CMC2: variants seen among roughly 807,000 people sequenced by gnomAD.
CMC2 encodes COX assembly mitochondrial protein 2 homolog.
CMC2 carries 5 observed loss-of-function variants against 7.5 expected under a neutral mutation model. The ratio of observed to expected loss-of-function variants is 0.66; its 90% CI spans 0.35 to 1.40. The LOEUF (loss-of-function observed/expected upper bound fraction) is 1.40. Among genes scored for constraint, CMC2 ranks in the 40% most tolerant of loss-of-function variants. The pLI is 0.04. For missense variants in CMC2, 115 were observed against 92.3 expected (o/e 1.25, Z -1.01); for synonymous variants, 37 against 31.4 (o/e 1.18, Z -0.60).
At chr16:80,982,117 T>A (rs1410916984) in intron 2 of CMC2, among the ~76,000 whole-genome samples, 1 of 152,078 alleles carries the variant, frequency 6.6e-6, no homozygotes, top group East Asian at 1.9e-4. Context: ...TTTTGAACAT[T>A]TGGAACAATT....
intron 2 of CMC2, chr16:80,982,363 G>C (rs1967186534): frequency 1.3e-5 from 2 of 152,130 alleles, no homozygotes; most frequent in African/African-American, 4.8e-5. Flanking sequence ...CAAAAAATTA[G>C]CCAGGCGTGG....
chr16:80,976,128 T>C lies in CMC2; in HGVS notation c.205A>G (p.Lys69Glu), dbSNP rs1912299553. ...GATTCCTCTGGAGGATTAAAAAGTT[T>C]CTTTCGCATTGCAATGCCATGCTCC... ...SREHGIAMRK[K>E]LFNPPEESEK Residue 69 changes from lysine to glutamate, a missense_variant, in exon 4 of 4, where the codon AAA (lysine) becomes GAA (glutamate). Transcript: ENST00000219400. 1.2e-6 allele frequency: 2 copies of C among 1,610,382 alleles called. No individual in the cohort carries two copies. Among genetic ancestry groups the C allele is most frequent in the Admixed American group, 1.7e-5 (1 of 59,946 alleles).
intron 2 of CMC2, among the ~76,000 whole-genome samples, chr16:80,984,343 C>T (rs1351083681): frequency 6.6e-6 from 1 of 152,170 alleles, no homozygotes; most frequent in Non-Finnish European, 1.5e-5. Flanking sequence ...TTTTCCTTTT[C>T]GTTCTAATTA....
At chr16:80,986,367 T>A (rs1567515696) in intron 2 of CMC2, among the ~76,000 whole-genome samples, 1 of 148,040 alleles carries the variant, frequency 6.8e-6, no homozygotes. Flanking sequence ...ACTAAATAAA[T>A]AAATAAAATG....
At chr16:80,986,028 T>C (rs143630968) in intron 2 of CMC2, among the ~76,000 whole-genome samples, 130 of 151,824 alleles carry the variant, frequency 8.6e-4, no homozygotes, top group Middle Eastern at 3.4e-3. Flanking sequence ...TTATAACGCA[T>C]TGTATAGGCA....
chr16:80,982,184 G>T, intron 2 of CMC2: 1 of 213,668 alleles, frequency 4.7e-6, no homozygotes, highest in Non-Finnish European at 9.2e-6. Flanking sequence ...AAATTTAAGA[G>T]AAAGATACGG....
rs55852672 is a variant in CMC2 at position 80,975,450 on chromosome 16, C to G, written c.*643G>C. 6.6e-6 allele frequency: 1 copy of G among 152,240 alleles called. No homozygotes were observed. Among genetic ancestry groups the G allele is most frequent in the South Asian group, 2.1e-4 (1 of 4,826 alleles). 9.4% of individuals were successfully genotyped at this position (152,240 alleles called of 1,614,324 possible). The stretch of plus-strand genomic sequence containing the variant: ...CCAACATGGCAAAACTCTGTCTCTA[C>G]CAAAAATACAAAAACCAGCCAGGCA... On this transcript the variant is annotated 3_prime_UTR_variant, in exon 4 of 4. Transcript: ENST00000219400.
At chr16:80,992,212 C>A (rs898300862) in intron 2 of CMC2, among the ~76,000 whole-genome samples, 2 of 152,186 alleles carry the variant, frequency 1.3e-5, no homozygotes, top group African/African-American at 2.4e-5. Context: ...TACAAAACAG[C>A]TGTATAGTGC....
chr16:80,976,293 G>C (rs1454432667), intron 3 of CMC2, 114 bp from the exon 4 acceptor site: 2 of 597,954 alleles, frequency 3.3e-6, no homozygotes, highest in Non-Finnish European at 5.8e-6. Flanking sequence ...GGTTAACAGG[G>C]TTTAAATTTT....
intron 3 of CMC2, among the ~76,000 whole-genome samples, chr16:80,976,612 T>C (rs1912390871): frequency 6.6e-6 from 1 of 152,196 alleles, no homozygotes; most frequent in Non-Finnish European, 1.5e-5. Context: ...TGTCTAACTG[T>C]TGGGACAATT....
At chr16:81,003,916 C>G (rs551208516) in intron 1 of CMC2, among the ~76,000 whole-genome samples, 155 of 152,290 alleles carry the variant, frequency 1.0e-3, no homozygotes, top group Non-Finnish European at 1.5e-3. Flanking sequence ...TCAGTGATGG[C>G]ATGGGTTTAA....
Position 80,967,718 on chromosome 16 carries a change from T to A in CMC2, c.*8375A>T, listed in dbSNP as rs1043865155. The A allele has an allele frequency of 6.6e-6, 1 of 152,230 alleles. No homozygotes were observed. Among genetic ancestry groups the A allele is most frequent in the Non-Finnish European group, 1.5e-5 (1 of 68,034 alleles). The allele number at this position is 152,230 out of a possible 1,614,324, so 9.4% of individuals were successfully genotyped here. The stretch of plus-strand genomic sequence containing the variant: ...ATCATAGCATTTTAGGAAATATGGA[T>A]GCTCTGTAAGCAAATACTCCAGTGA... On this transcript the variant is annotated 3_prime_UTR_variant, in exon 4 of 4. Coordinates refer to ENST00000219400, the MANE Select transcript of CMC2 (RefSeq NM_020188.5).
intron 3 of CMC2, 93 bp downstream of exon 3, chr16:80,981,713 G>T (rs2151620605): frequency 1.3e-6 from 1 of 761,362 alleles, no homozygotes; most frequent in Non-Finnish European, 2.1e-6. Flanking sequence ...ACACTAAAAT[G>T]TGGGAAAAAT....
chr16:80,985,932 G>A (rs28659930), intron 2 of CMC2, among the ~76,000 whole-genome samples: 2 of 138,066 alleles, frequency 1.4e-5, no homozygotes, highest in South Asian at 2.5e-4. Context: ...CAGGAATGAA[G>A]GGGAAGGAGC....
chr16:80,992,834 G>C (rs1439882372), intron 2 of CMC2, among the ~76,000 whole-genome samples: 1 of 151,772 alleles, frequency 6.6e-6, no homozygotes, highest in Non-Finnish European at 1.5e-5. Flanking sequence ...TAGGACTACA[G>C]GCATGTGCCA....
At position 80,986,702 on chromosome 16, in the gene CMC2, G is replaced by A. The variant is rs142526627; in HGVS notation, c.82-4825C>T. Reference sequence around the variant, plus strand: ...CCCTGGTAAGGACTCACAGGAAGAGGTGAGGCAGATGGAGGAATTAAAGAT... The same window carrying A: ...CCCTGGTAAGGACTCACAGGAAGAGATGAGGCAGATGGAGGAATTAAAGAT... On this transcript the variant is annotated intron_variant, in intron 2 of 3. Transcript: ENST00000219400. Among the ~76,000 whole-genome samples, 242 of 152,380 alleles carry A rather than the reference G, an allele frequency of 1.6e-3. 1 individual carries two copies. The highest frequency in any genetic ancestry group is 2.8e-3 in the Non-Finnish European group (191 of 68,034).
rs1353644529 is a variant in CMC2 at position 80,968,717 on chromosome 16, T to C, written c.*7376A>G. 2 of 152,134 alleles carry C rather than the reference T, an allele frequency of 1.3e-5. No individual in the cohort carries two copies. The highest frequency in any genetic ancestry group is 2.9e-5 in the Non-Finnish European group (2 of 68,032). The allele number at this position is 152,134 out of a possible 1,614,324, so 9.4% of individuals were successfully genotyped here. ...AATACTAGATAGCATATATCAAATA[T>C]AGTTTTTAAAGGTGTAGTTGAGCTC... On this transcript the variant is annotated 3_prime_UTR_variant, in exon 4 of 4. Coordinates refer to ENST00000219400, the MANE Select transcript of CMC2 (RefSeq NM_020188.5).
At position 80,973,735 on chromosome 16, in the gene CMC2, G is replaced by C. The variant is rs1912090464; in HGVS notation, c.*2358C>G. ...GCTCCAGTTCACTAGCATTTTATTT[G>C]TCAAACTCCCTTCCTAGAGGAAGCT... On this transcript the variant is annotated 3_prime_UTR_variant, in exon 4 of 4. Coordinates refer to ENST00000219400, the MANE Select transcript of CMC2 (RefSeq NM_020188.5). 6.6e-6 allele frequency: 1 copy of C among 152,108 alleles called. No homozygotes were observed. The highest frequency in any genetic ancestry group is 2.1e-4 in the South Asian group (1 of 4,824). The allele number at this position is 152,108 out of a possible 1,614,324, so 9.4% of individuals were successfully genotyped here. A position where few individuals can be genotyped will look rare whatever the true frequency, so the allele number is the denominator to read the frequency against.
intron 1 of CMC2, chr16:80,998,627 A>G (rs983827692): frequency 6.6e-6 from 1 of 152,238 alleles, no homozygotes; most frequent in African/African-American, 2.4e-5. Flanking sequence ...AAGCAACCCA[A>G]GAGTCCAACA....
Sources: gnomAD v4.1 joint callset for allele counts (sites outside exome capture counted in the v4.1 genomes callset) on GRCh38, gnomAD v4.1.1 for gene constraint, MANE v1.5 for transcripts, NCBI Gene and HGNC (gene_info 2026-07-23, HGNC 2026-07-21) for gene names.